The following ELAVL4 variants were observed in gnomAD, a reference collection of about 807,000 sequenced individuals.
The protein encoded by ELAVL4 is ELAV like RNA binding protein 4.
ELAVL4 carries 1 observed loss-of-function variant against 35.6 expected under a neutral mutation model. That is an observed-to-expected ratio of 0.03 (90% CI 0.01 to 0.13). ELAVL4 has a LOEUF of 0.13. Among genes scored for constraint, ELAVL4 ranks in the 10% least tolerant of loss-of-function variants. The pLI is 1.00. For missense variants in ELAVL4, 267 were observed against 464.9 expected (o/e 0.57, Z 3.91); for synonymous variants, 156 against 171.0 (o/e 0.91, Z 0.69).
intron 2 of ELAVL4, among the ~76,000 whole-genome samples, chr1:50,171,374 G>A (rs1678981310): frequency 6.6e-6 from 1 of 152,220 alleles, no homozygotes; most frequent in East Asian, 1.9e-4. Flanking sequence ...CAACAGACTG[G>A]AGTTCATTCA....
chr1:50,187,089 G>C (rs1681948403), intron 3 of ELAVL4, among the ~76,000 whole-genome samples: 1 of 152,166 alleles, frequency 6.6e-6, no homozygotes, highest in Non-Finnish European at 1.5e-5. Flanking sequence ...TCTGTTCCCT[G>C]ATTCCATTCT....
chr1:50,180,616 A>C (rs1680878331), intron 3 of ELAVL4: 1 of 152,346 alleles, frequency 6.6e-6, no homozygotes, highest in Admixed American at 6.5e-5. Flanking sequence ...CATGATGTGT[A>C]ATTAAGCTTC....
At chr1:50,121,927 G>C (rs778580192) in intron 1 of ELAVL4, among the ~76,000 whole-genome samples, 29 of 152,060 alleles carry the variant, frequency 1.9e-4, no homozygotes, top group Non-Finnish European at 4.0e-4. Context: ...TAGTGAATGT[G>C]ACCTAGAGGT....
chr1:50,167,880 T>C (rs1348630660), intron 2 of ELAVL4, among the ~76,000 whole-genome samples: 6 of 152,230 alleles, frequency 3.9e-5, no homozygotes, highest in African/African-American at 1.2e-4. Flanking sequence ...CCCAAATTTC[T>C]TTGTCACCAA....
chr1:50,088,233 T>C (rs1040449861), intron 1 of ELAVL4, among the ~76,000 whole-genome samples: 1 of 152,228 alleles, frequency 6.6e-6, no homozygotes, highest in African/African-American at 2.4e-5. Context: ...AGCATTGTGA[T>C]GTCACTGTGG....
At chr1:50,049,288 T>C (rs2148466268) in intron 1 of ELAVL4, among the ~76,000 whole-genome samples, 1 of 152,288 alleles carries the variant, frequency 6.6e-6, no homozygotes, top group South Asian at 2.1e-4. Context: ...CCTCCTGCAT[T>C]TGTGCGCCTA....
At chr1:50,138,306 A>AT (rs1672233334) in intron 1 of ELAVL4, among the ~76,000 whole-genome samples, 1 of 152,200 alleles carries the variant, frequency 6.6e-6, no homozygotes, top group African/African-American at 2.4e-5. Context: ...TCTGGAGATA[A>AT]TAGATTGGCT....
intron 2 of ELAVL4, among the ~76,000 whole-genome samples, chr1:50,165,782 A>G (rs61784185): frequency 3.8e-3 from 125 of 32,582 alleles, no homozygotes; most frequent in East Asian, 0.018. Flanking sequence ...GTGTGTATAT[A>G]TGTGTATATA....
chr1:50,094,781 T>TAAA (rs1665648501), intron 1 of ELAVL4, among the ~76,000 whole-genome samples: 6 of 150,652 alleles, frequency 4.0e-5, no homozygotes, highest in African/African-American at 4.9e-5. Context: ...AATAAATAAA[T>TAAA]TAGCTGGGCT....
intron 1 of ELAVL4, among the ~76,000 whole-genome samples, chr1:50,059,562 A>AC (rs1663851603): frequency 6.6e-6 from 1 of 152,162 alleles, no homozygotes; most frequent in African/African-American, 2.4e-5. Flanking sequence ...TTAAAAAAAA[A>AC]AACCGTTGGA....
Position 50,168,963 on chromosome 1 carries a change from TAC to T in ELAVL4, c.251-8116_251-8115del, listed in dbSNP as rs1553184093. On this transcript the variant is annotated intron_variant, in intron 2 of 6. Transcript: ENST00000371824. ...GGAGATATGTATATATATATATATATACACACACACATATATATATGTATATA... is the reference window on the plus strand; with the variant it reads ...GGAGATATGTATATATATATATATATACACACACATATATATATGTATATA... Among the ~76,000 whole-genome samples, 201 of 147,876 alleles carry T rather than the reference TAC, an allele frequency of 1.4e-3. 1 individual carries two copies. The highest frequency in any genetic ancestry group is 4.8e-3 in the African/African-American group (193 of 40,084).
chr1:50,086,186 C>T (rs1665232610), intron 1 of ELAVL4, among the ~76,000 whole-genome samples: 1 of 151,820 alleles, frequency 6.6e-6, no homozygotes, highest in African/African-American at 2.4e-5. Context: ...CAATATTTTT[C>T]CTTGTTAATT....
At chr1:50,150,998 C>T (rs1049155111) in intron 2 of ELAVL4, among the ~76,000 whole-genome samples, 5 of 152,154 alleles carry the variant, frequency 3.3e-5, no homozygotes, top group African/African-American at 1.2e-4. Flanking sequence ...CTTTTGAGTA[C>T]TTACTGTGTG....
chr1:50,172,974 C>G (rs922443704), intron 2 of ELAVL4, among the ~76,000 whole-genome samples: 1 of 152,046 alleles, frequency 6.6e-6, no homozygotes, highest in Admixed American at 6.6e-5. Context: ...ATTGTTGTGT[C>G]CTCTCTTTCT....
chr1:50,120,926 T>C (rs1193341505), intron 1 of ELAVL4, among the ~76,000 whole-genome samples: 1 of 152,066 alleles, frequency 6.6e-6, no homozygotes, highest in African/African-American at 2.4e-5. Context: ...TTTTCTCCAG[T>C]ATAAAAATGT....
At position 50,195,799 on chromosome 1, in the gene ELAVL4, A is replaced by G. The variant is rs1644019716; in HGVS notation, c.734+13A>G. On this transcript the variant is annotated intron_variant, in intron 5 of 6. Transcript: ENST00000371824. ...CTCAGAGGTTCAGGTAGGCATGCCC[A>G]AAGAGGAAGAAGCCCTGCTACAGGG... The G allele has an allele frequency of 1.2e-6, 2 of 1,613,790 alleles. No homozygotes were observed. The highest frequency in any genetic ancestry group is 3.3e-5 in the Admixed American group (2 of 60,004).
upstream of ELAVL4, chr1:50,103,962 A>G: frequency 6.2e-7 from 1 of 1,613,988 alleles, no homozygotes; most frequent in Non-Finnish European, 8.5e-7. Flanking sequence ...AACTGCCCTA[A>G]TCGACTGAAA....
intron 1 of ELAVL4, among the ~76,000 whole-genome samples, chr1:50,120,193 C>T (rs1668790025): frequency 1.3e-5 from 2 of 151,698 alleles, no homozygotes; most frequent in African/African-American, 4.8e-5. Context: ...GACAGTGTCT[C>T]AGCAGAGGAG....
At chr1:50,134,047 T>A (rs1671486367) in intron 1 of ELAVL4, among the ~76,000 whole-genome samples, 1 of 152,292 alleles carries the variant, frequency 6.6e-6, no homozygotes, top group African/African-American at 2.4e-5. Flanking sequence ...CTGGTTATGT[T>A]AAGAAAACAA....
Sources: gnomAD v4.1 joint callset for allele counts (sites outside exome capture counted in the v4.1 genomes callset) on GRCh38, gnomAD v4.1.1 for gene constraint, MANE v1.5 for transcripts, NCBI Gene and HGNC (gene_info 2026-07-23, HGNC 2026-07-21) for gene names.